The following ALG12 variants were observed in gnomAD, a reference collection of about 807,000 sequenced individuals.
ALG12 encodes dol-P-Man:Man(7)GlcNAc(2)-PP-Dol alpha-1,6-mannosyltransferase.
In ALG12, 36 loss-of-function variants were observed where a neutral mutation model predicts 46.0. The observed-to-expected ratio is 0.78, with a 90% confidence interval of 0.60 to 1.03. The LOEUF is 1.03. Ranked by LOEUF, ALG12 falls within the 50% of genes least tolerant of loss-of-function variation. The pLI is 0.00. For missense variants in ALG12, 599 were observed against 633.5 expected (o/e 0.95, Z 0.58); for synonymous variants, 326 against 291.6 (o/e 1.12, Z -1.20).
In ALG12 at chr22:49,903,179, C is replaced by G. The variant is rs924019976; in HGVS notation, c.*659G>C. On this transcript the variant is annotated 3_prime_UTR_variant, in exon 10 of 10. Coordinates refer to ENST00000330817, the MANE Select transcript of ALG12 (RefSeq NM_024105.4). ...CTGTGATAAGCTATCACATAGGAAACATTTTTAAAATTTCATTCTCATTAT... is the reference window on the plus strand; with the variant it reads ...CTGTGATAAGCTATCACATAGGAAAGATTTTTAAAATTTCATTCTCATTAT... 2.7e-5 allele frequency: 10 copies of G among 372,262 alleles called. No homozygotes were observed. The highest frequency in any genetic ancestry group is 1.5e-4 in the African/African-American group (7 of 47,062). 23.1% of individuals were successfully genotyped at this position (372,262 alleles called of 1,614,324 possible).
chr22:49,884,498 A>G, the ALG12 span: 2 of 1,614,220 alleles, frequency 1.2e-6, no homozygotes, highest in Non-Finnish European at 1.7e-6. Context: ...CCACTTCCAA[A>G]GAGCACCTCT....
rs1330752927 is a variant in ALG12 at position 49,902,674 on chromosome 22, G to C, written c.*1164C>G. 1 of 141,310 alleles carries C rather than the reference G, an allele frequency of 7.1e-6. No homozygotes were observed. The highest frequency in any genetic ancestry group is 1.5e-5 in the Non-Finnish European group (1 of 67,286). 8.8% of individuals were successfully genotyped at this position (141,310 alleles called of 1,614,324 possible). On this transcript the variant is annotated 3_prime_UTR_variant, in exon 10 of 10. Coordinates refer to ENST00000330817, the MANE Select transcript of ALG12 (RefSeq NM_024105.4). Reference sequence around the variant, plus strand: ...TGTGTGGTGTGTATGCATGGTGTGTGCACGTGTGCACTGTGTATGCATAGT... The same window carrying C: ...TGTGTGGTGTGTATGCATGGTGTGTCCACGTGTGCACTGTGTATGCATAGT...
Position 49,909,965 on chromosome 22 carries a change from G to A in ALG12, c.593C>T (p.Ala198Val). 6.2e-7 allele frequency: 1 copy of A among 1,614,066 alleles called. No individual in the cohort carries two copies. The highest frequency in any genetic ancestry group is 1.1e-5 in the South Asian group (1 of 91,084). Residue 198 changes from alanine (A) to valine (V), a missense_variant, in exon 5 of 10, where the codon GCC becomes GTC. Transcript: ENST00000330817. ...CLFLGLLLLL[A>V]LGNRKVSVVR... Reference sequence around the variant, plus strand: ...TACAGAAACCTTTCGGTTGCCCAAGGCCAGCAGCAGCAGGAGGCCCAGGAA... The same window carrying A: ...TACAGAAACCTTTCGGTTGCCCAAGACCAGCAGCAGCAGGAGGCCCAGGAA...
the ALG12 span, chr22:49,887,327 C>T: frequency 1.8e-5 from 14 of 789,036 alleles, no homozygotes; most frequent in South Asian, 4.4e-5. Context: ...AGTGTCTCCA[C>T]GTGCCTTACC....
At chr22:49,884,831 C>T in the ALG12 span, 206 of 1,610,654 alleles carry the variant, frequency 1.3e-4, no homozygotes, top group Non-Finnish European at 1.6e-4. Context: ...TCCTCCTCCC[C>T]TGACAGGCTG....
At chr22:49,884,151 C>T in the ALG12 span, 29 of 1,613,584 alleles carry the variant, frequency 1.8e-5, no homozygotes, top group African/African-American at 5.3e-5. Flanking sequence ...ACGTGAGGCG[C>T]GCACACCCGA....
rs1481938979 is a variant in ALG12 at position 49,910,593 on chromosome 22, C to T, written c.310G>A (p.Gly104Arg). ...CAGAGTCCAAAAATCACGCCGAGTCCAAGCACTCCTCTAACTAAACAAAGA... is the reference window on the plus strand; with the variant it reads ...CAGAGTCCAAAAATCACGCCGAGTCTAAGCACTCCTCTAACTAAACAAAGA... Reference protein sequence around the residue: ...YSQLIVRGVLGLGVIFGLWTL... With the variant: ...YSQLIVRGVLRLGVIFGLWTL... Residue 104 changes from glycine to arginine, a missense_variant, in exon 4 of 10, where the codon GGA becomes AGA. By Grantham distance (125) the Gly-to-Arg change is moderately radical. Coordinates refer to ENST00000330817, the MANE Select transcript of ALG12 (RefSeq NM_024105.4). 1 of 1,614,140 alleles carries T rather than the reference C, an allele frequency of 6.2e-7. No individual in the cohort carries two copies. Among genetic ancestry groups the T allele is most frequent in the South Asian group, 1.1e-5 (1 of 91,084 alleles).
the ALG12 span, chr22:49,884,929 G>T: frequency 6.2e-7 from 1 of 1,606,282 alleles, no homozygotes. Flanking sequence ...CATAGGGGAG[G>T]CCTCGGCGTC....
At chr22:49,865,508 A>G in the ALG12 span, among the ~76,000 whole-genome samples, 2 of 151,802 alleles carry the variant, frequency 1.3e-5, no homozygotes, top group African/African-American at 2.4e-5. Context: ...AAAAAAAAAT[A>G]ATAACCCGTC....
the ALG12 span, among the ~76,000 whole-genome samples, chr22:49,869,989 T>A: frequency 6.6e-6 from 1 of 152,062 alleles, no homozygotes; most frequent in Admixed American, 6.6e-5. Context: ...CACTCCTCAC[T>A]CTCGCAGTCC....
chr22:49,891,153 C>T, the ALG12 span, among the ~76,000 whole-genome samples: 1 of 152,204 alleles, frequency 6.6e-6, no homozygotes, highest in Admixed American at 6.5e-5. Flanking sequence ...GACTAGGCCA[C>T]TTCTACCTCT....
chr22:49,860,897 G>C, the ALG12 span, among the ~76,000 whole-genome samples: 1 of 151,478 alleles, frequency 6.6e-6, no homozygotes, highest in African/African-American at 2.4e-5. Flanking sequence ...TCCTGCCTCA[G>C]CCTCCCGAGT....
rs2060523322 is a variant in ALG12, at chr22:49,903,099, C to T, written c.*739G>A. The T allele has an allele frequency of 2.8e-6, 1 of 352,166 alleles. No individual in the cohort carries two copies. Among genetic ancestry groups the T allele is most frequent in the African/African-American group, 2.2e-5 (1 of 46,464 alleles). 21.8% of individuals were successfully genotyped at this position (352,166 alleles called of 1,614,324 possible). A position where few individuals can be genotyped will look rare whatever the true frequency, so the allele number is the denominator to read the frequency against. ...CTTTGGTGCTTTATAAATGCATGGT[C>T]AGTGAGGCTGACAGCACCAAGCTGT... On this transcript the variant is annotated 3_prime_UTR_variant, in exon 10 of 10. Coordinates refer to ENST00000330817, the MANE Select transcript of ALG12 (RefSeq NM_024105.4).
the ALG12 span, among the ~76,000 whole-genome samples, chr22:49,867,383 T>C: frequency 6.6e-6 from 1 of 152,054 alleles, no homozygotes; most frequent in Non-Finnish European, 1.5e-5. Context: ...GGAGCGGCGG[T>C]TGGGGAGGCA....
the ALG12 span, chr22:49,888,350 G>A: frequency 2.6e-3 from 430 of 167,090 alleles, 2 homozygotes; most frequent in Non-Finnish European, 3.8e-3. Context: ...AATACTGTAC[G>A]TACGCTTAAT....
chr22:49,865,280 T>C, the ALG12 span, among the ~76,000 whole-genome samples: 2 of 152,114 alleles, frequency 1.3e-5, no homozygotes, highest in East Asian at 1.9e-4. Context: ...GTCGTTATCT[T>C]ATGTAGCCAC....
the ALG12 span, chr22:49,886,805 G>A: frequency 6.2e-7 from 1 of 1,613,404 alleles, no homozygotes; most frequent in Non-Finnish European, 8.5e-7. This position sits in a 1 kb window ranked among gnomAD's most constrained non-coding sequence, Gnocchi z 7.7. Flanking sequence ...GCCTCCCACA[G>A]GTGTGATGCT....
At position 49,902,928 on chromosome 22, in the gene ALG12, T is replaced by C. The variant is rs1409620363; in HGVS notation, c.*910A>G. Reference sequence around the variant, plus strand: ...TGTGTATGCATGGTGTGTGCACGTGTGCACGGTGTGTGGTGTGTATGCATG... The same window carrying C: ...TGTGTATGCATGGTGTGTGCACGTGCGCACGGTGTGTGGTGTGTATGCATG... On this transcript the variant is annotated 3_prime_UTR_variant, in exon 10 of 10. Coordinates refer to ENST00000330817, the MANE Select transcript of ALG12 (RefSeq NM_024105.4). 1 of 266,190 alleles carries C rather than the reference T, an allele frequency of 3.8e-6. No individual in the cohort carries two copies. Among genetic ancestry groups the C allele is most frequent in the Non-Finnish European group, 7.3e-6 (1 of 136,452 alleles). The allele number at this position is 266,190 out of a possible 1,614,324, so 16.5% of individuals were successfully genotyped here. A position where few individuals can be genotyped will look rare whatever the true frequency, so the allele number is the denominator to read the frequency against.
At chr22:49,910,749 A>T in intron 3 of ALG12, 142 bp from the exon 4 acceptor site, 1 of 987,726 alleles carries the variant, frequency 1.0e-6, no homozygotes, top group Non-Finnish European at 1.6e-6. Context: ...CGTCAGGCAA[A>T]GCAGCCTTGA....
Sources: gnomAD v4.1 joint callset for allele counts (sites outside exome capture counted in the v4.1 genomes callset) on GRCh38, gnomAD v4.1.1 for gene constraint, Gnocchi (gnomAD v3.1) non-coding constraint, MANE v1.5 for transcripts, NCBI Gene and HGNC (gene_info 2026-07-23, HGNC 2026-07-21) for gene names.